Variants in CDH9 observed in about 807,000 individuals in gnomAD.
CDH9 encodes cadherin-9.
A neutral mutation model predicts 70.9 loss-of-function variants in CDH9; 28 were observed. The ratio of observed to expected loss-of-function variants is 0.40; its 90% CI spans 0.29 to 0.54. CDH9 has a LOEUF of 0.54. Among genes scored for constraint, CDH9 ranks in the 20% least tolerant of loss-of-function variants. The pLI is 0.59. For synonymous variants in CDH9, 409 were observed against 343.1 expected (o/e 1.19, Z -2.12); for missense variants, 874 against 984.4 (o/e 0.89, Z 1.50).
chr5:26,957,213 A>G (rs1741961504), intron 2 of CDH9, among the ~76,000 whole-genome samples: 1 of 152,226 alleles, frequency 6.6e-6, no homozygotes, highest in South Asian at 2.1e-4. Flanking sequence ...CTAAAATACT[A>G]AAGGAAATAA....
chr5:26,884,940 A>G (rs894046674), intron 11 of CDH9, among the ~76,000 whole-genome samples: 3 of 152,194 alleles, frequency 2.0e-5, no homozygotes, highest in Admixed American at 6.6e-5. Flanking sequence ...AGGGCTAGGT[A>G]GGACCACAGC....
chr5:26,926,851 G>A (rs960296620), intron 2 of CDH9, among the ~76,000 whole-genome samples: 3 of 149,758 alleles, frequency 2.0e-5, no homozygotes, highest in African/African-American at 7.4e-5. Context: ...GGGAAAGGAG[G>A]AAGTACTTCT....
intron 2 of CDH9, among the ~76,000 whole-genome samples, chr5:26,985,085 T>G: frequency 6.6e-6 from 1 of 152,262 alleles, no homozygotes; most frequent in Middle Eastern, 3.4e-3. Flanking sequence ...TTTAACAGAT[T>G]ATTTACATTT....
intron 2 of CDH9, among the ~76,000 whole-genome samples, chr5:26,965,846 A>T (rs1383216424): frequency 6.6e-6 from 1 of 152,132 alleles, no homozygotes; most frequent in African/African-American, 2.4e-5. Context: ...ATAGCAAAAA[A>T]CATCAAACTC....
At chr5:26,996,218 A>G (rs771890566) in intron 1 of CDH9, among the ~76,000 whole-genome samples, 1 of 152,050 alleles carries the variant, frequency 6.6e-6, no homozygotes. Flanking sequence ...GTTTGTGATT[A>G]ATTTTAATAT....
At chr5:26,961,555 C>A (rs1267292791) in intron 2 of CDH9, among the ~76,000 whole-genome samples, 1 of 152,050 alleles carries the variant, frequency 6.6e-6, no homozygotes, top group African/African-American at 2.4e-5. Context: ...TCTTCATTAG[C>A]TAAACAAGCA....
intron 2 of CDH9, among the ~76,000 whole-genome samples, chr5:26,978,056 G>A (rs1488866253): frequency 6.6e-6 from 1 of 151,726 alleles, no homozygotes; most frequent in Non-Finnish European, 1.5e-5. Flanking sequence ...CTTCCTGCTG[G>A]GACGAAACTC....
intron 1 of CDH9, among the ~76,000 whole-genome samples, chr5:27,015,224 A>C (rs1204327969): frequency 6.6e-6 from 1 of 151,764 alleles, no homozygotes; most frequent in Non-Finnish European, 1.5e-5. Context: ...CTACCCAAGG[A>C]GGTAGAATTA....
intron 2 of CDH9, among the ~76,000 whole-genome samples, chr5:26,980,275 C>T (rs1352723487): frequency 4.6e-5 from 7 of 151,984 alleles, no homozygotes; most frequent in African/African-American, 1.4e-4. Flanking sequence ...TGCCTAGTCA[C>T]TCACTTATTC....
intron 11 of CDH9, among the ~76,000 whole-genome samples, chr5:26,883,041 T>TTAGATAGA (rs1221330777): frequency 6.9e-5 from 4 of 58,024 alleles, no homozygotes; most frequent in East Asian, 5.3e-4. Context: ...CAGGATCATC[T>TTAGATAGA]TATATATATA....
intron 2 of CDH9, among the ~76,000 whole-genome samples, chr5:26,979,606 AT>A (rs562092994): frequency 3.3e-5 from 5 of 152,022 alleles, no homozygotes; most frequent in African/African-American, 1.2e-4. Context: ...CGTAAAAAGA[AT>A]AAACCAACTC....
At chr5:26,992,934 T>G (rs1174678460) in intron 1 of CDH9, among the ~76,000 whole-genome samples, 1 of 151,918 alleles carries the variant, frequency 6.6e-6, no homozygotes, top group Non-Finnish European at 1.5e-5. Context: ...CTGTCTCTAC[T>G]AAAAATACAA....
chr5:27,025,272 G>C (rs1045124012), intron 1 of CDH9, among the ~76,000 whole-genome samples: 1 of 152,056 alleles, frequency 6.6e-6, no homozygotes, highest in Non-Finnish European at 1.5e-5. Context: ...TTTAAGGAAA[G>C]TTTTCCAAGC....
chr5:26,939,566 A>G (rs913341005), intron 2 of CDH9, among the ~76,000 whole-genome samples: 1 of 151,894 alleles, frequency 6.6e-6, no homozygotes, highest in Non-Finnish European at 1.5e-5. Flanking sequence ...CAATAATAGA[A>G]ATATTAACTC....
intron 7 of CDH9, among the ~76,000 whole-genome samples, chr5:26,901,070 G>C (rs534789075): frequency 4.2e-4 from 64 of 151,990 alleles, no homozygotes; most frequent in Admixed American, 1.1e-3. Flanking sequence ...TTGGTCATTG[G>C]ACGGCTAGAT....
Position 26,960,910 on chromosome 5 carries a change from T to C in CDH9, c.228+27196A>G, listed in dbSNP as rs191780597. 3.6e-3 allele frequency among the ~76,000 whole-genome samples: 545 copies of C among 152,212 alleles called. 6 individuals carry two copies. Among genetic ancestry groups the C allele is most frequent in the African/African-American group, 0.013 (524 of 41,558 alleles). On this transcript the variant is annotated intron_variant, in intron 2 of 11. Transcript: ENST00000231021. ...CATATAAATTACTTTGTATAACTAC[T>C]AAATCTTTTGTAAAGCAAAAAGTAA...
At chr5:26,959,847 G>T (rs1742004617) in intron 2 of CDH9, among the ~76,000 whole-genome samples, 1 of 152,026 alleles carries the variant, frequency 6.6e-6, no homozygotes, top group African/African-American at 2.4e-5. Context: ...ACAGATTAGT[G>T]ATTGTCAGTG....
At chr5:26,899,721 G>A (rs1740818371) in intron 7 of CDH9, among the ~76,000 whole-genome samples, 1 of 151,930 alleles carries the variant, frequency 6.6e-6, no homozygotes, top group Admixed American at 6.6e-5. Flanking sequence ...CCTGTCAGGG[G>A]TTGGGGGAGC....
intron 2 of CDH9, among the ~76,000 whole-genome samples, chr5:26,925,796 T>C (rs1166531665): frequency 6.6e-6 from 1 of 152,164 alleles, no homozygotes; most frequent in African/African-American, 2.4e-5. Context: ...GCACCATTTA[T>C]TAAATATGGA....
Sources: gnomAD v4.1 joint callset for allele counts (sites outside exome capture counted in the v4.1 genomes callset) on GRCh38, gnomAD v4.1.1 for gene constraint, MANE v1.5 for transcripts, NCBI Gene and HGNC (gene_info 2026-07-23, HGNC 2026-07-21) for gene names.